Variants in ATOSA observed in about 807,000 individuals in gnomAD.
ATOSA encodes the protein atos homolog protein A.
At chr15:52,678,332 G>A in the ATOSA span, 1 of 542,670 alleles carries the variant, frequency 1.8e-6, no homozygotes, top group Non-Finnish European at 3.3e-6. Flanking sequence ...CCAGGCCAAT[G>A]TGTCCTTCTG....
At chr15:52,703,923 G>A in the ATOSA span, among the ~76,000 whole-genome samples, 22 of 151,962 alleles carry the variant, frequency 1.4e-4, no homozygotes, top group East Asian at 3.9e-4. Flanking sequence ...AATTGGGGGC[G>A]GGAATGTCTC....
the ATOSA span, chr15:52,657,698 A>C: frequency 1.3e-4 from 20 of 152,226 alleles, no homozygotes; most frequent in Non-Finnish European, 2.6e-4. Context: ...TCCCAGTTTT[A>C]ATCAATAAAA....
At chr15:52,599,991 A>G in the ATOSA span, 1 of 490,826 alleles carries the variant, frequency 2.0e-6, no homozygotes, top group African/African-American at 2.0e-5. Flanking sequence ...AAATAAAATA[A>G]AAAGGTAATT....
chr15:52,583,487 G>GT, the ATOSA span, among the ~76,000 whole-genome samples: 3 of 152,250 alleles, frequency 2.0e-5, no homozygotes, highest in African/African-American at 7.2e-5. Context: ...CCAGGTTCAA[G>GT]TGATTCTCCT....
chr15:52,600,606 T>C, the ATOSA span, among the ~76,000 whole-genome samples: 152 of 152,250 alleles, frequency 1.0e-3, 1 homozygote, highest in East Asian at 7.7e-3. Flanking sequence ...CATACACACA[T>C]CCTAAAAGGT....
the ATOSA span, chr15:52,609,123 C>T: frequency 1.0e-4 from 163 of 1,613,354 alleles, no homozygotes; most frequent in South Asian, 7.7e-5. Flanking sequence ...TCTCCTGATA[C>T]GTACTTTGGA....
the ATOSA span, among the ~76,000 whole-genome samples, chr15:52,619,847 GAAA>G: frequency 6.6e-6 from 1 of 150,986 alleles, no homozygotes. Context: ...GAAAAGAAAA[GAAA>G]AGAAAAGAAA....
At chr15:52,636,701 TG>T in the ATOSA span, among the ~76,000 whole-genome samples, 1 of 152,178 alleles carries the variant, frequency 6.6e-6, no homozygotes, top group Non-Finnish European at 1.5e-5. Flanking sequence ...CAGGCTGAGC[TG>T]ATTAATATTC....
the ATOSA span, chr15:52,608,972 C>A: frequency 6.2e-7 from 1 of 1,612,148 alleles, no homozygotes; most frequent in South Asian, 1.1e-5. Flanking sequence ...ATCTGTTTGT[C>A]AATAGTGGTG....
the ATOSA span, among the ~76,000 whole-genome samples, chr15:52,623,140 C>T: frequency 1.2e-4 from 18 of 148,912 alleles, no homozygotes; most frequent in African/African-American, 4.3e-4. Context: ...ACCTGGGCAA[C>T]AGAGTGAGAC....
chr15:52,616,025 C>T, the ATOSA span, among the ~76,000 whole-genome samples: 1 of 152,244 alleles, frequency 6.6e-6, no homozygotes, highest in South Asian at 2.1e-4. Flanking sequence ...CCAGTCAATT[C>T]ATCCAGTTTA....
chr15:52,604,944 T>G, the ATOSA span, among the ~76,000 whole-genome samples: 1 of 152,218 alleles, frequency 6.6e-6, no homozygotes, highest in Non-Finnish European at 1.5e-5. Context: ...AATTTCATTT[T>G]TATTCACATT....
At chr15:52,698,302 T>C in the ATOSA span, among the ~76,000 whole-genome samples, 1 of 152,188 alleles carries the variant, frequency 6.6e-6, no homozygotes, top group African/African-American at 2.4e-5. Flanking sequence ...TTCTTATTTG[T>C]GGCTGGGGGA....
chr15:52,624,822 G>C, the ATOSA span, among the ~76,000 whole-genome samples: 2 of 147,600 alleles, frequency 1.4e-5, no homozygotes, highest in African/African-American at 5.0e-5. Flanking sequence ...CTGTCACCCA[G>C]GCTGGAGTGT....
chr15:52,671,108 G>A, the ATOSA span, among the ~76,000 whole-genome samples: 4 of 152,248 alleles, frequency 2.6e-5, no homozygotes, highest in South Asian at 8.3e-4. Flanking sequence ...GCAAATGTCT[G>A]TGTATGAATC....
At chr15:52,610,475 C>G in the ATOSA span, 1 of 1,374,532 alleles carries the variant, frequency 7.3e-7, no homozygotes, top group Non-Finnish European at 9.8e-7. Context: ...CAGTCATACA[C>G]TTATTTTTGT....
chr15:52,601,495 T>C, the ATOSA span, among the ~76,000 whole-genome samples: 1 of 151,502 alleles, frequency 6.6e-6, no homozygotes, highest in South Asian at 2.1e-4. Flanking sequence ...TCTCTATTTT[T>C]TTGGGAGGTG....
At chr15:52,599,100 T>C in the ATOSA span, among the ~76,000 whole-genome samples, 26 of 152,362 alleles carry the variant, frequency 1.7e-4, no homozygotes, top group African/African-American at 5.8e-4. Context: ...ATCCAGCCTC[T>C]GGCCTTTCTT....
the ATOSA span, among the ~76,000 whole-genome samples, chr15:52,648,096 T>C: frequency 6.6e-6 from 1 of 152,168 alleles, no homozygotes; most frequent in Non-Finnish European, 1.5e-5. Context: ...GTTTTTAACG[T>C]AGAATAACTT....
Sources: allele counts gnomAD v4.1 joint callset (sites outside exome capture counted in the v4.1 genomes callset), GRCh38; gene constraint gnomAD v4.1.1; transcripts MANE v1.5; gene names NCBI Gene and HGNC (gene_info 2026-07-23, HGNC 2026-07-21).